The following TTC23L variants were observed in gnomAD, a reference collection of about 807,000 sequenced individuals.
TTC23L encodes tetratricopeptide repeat protein 23-like.
In TTC23L, 42 loss-of-function variants were observed where a neutral mutation model predicts 48.1. The ratio of observed to expected loss-of-function variants is 0.87; its 90% CI spans 0.68 to 1.13. The LOEUF (loss-of-function observed/expected upper bound fraction) is 1.13. Ranked by LOEUF, TTC23L falls within the 50% of genes most tolerant of loss-of-function variation. TTC23L has a pLI of 0.00. For synonymous variants in TTC23L, 159 were observed against 157.2 expected, an observed-to-expected ratio of 1.01 and a Z score of -0.09; for missense variants, 391 against 421.0, an observed-to-expected ratio of 0.93 and a Z score of 0.62.
chr5:34,854,652 A>G (rs1759975756), intron 4 of TTC23L, among the ~76,000 whole-genome samples: 1 of 152,140 alleles, frequency 6.6e-6, no homozygotes, highest in Non-Finnish European at 1.5e-5. Flanking sequence ...GCACCCATTC[A>G]TGTTTTATAG....
At position 34,863,530 on chromosome 5, in the gene TTC23L, C is replaced by T. The variant is rs941203030; in HGVS notation, c.536+476C>T. On this transcript the variant is annotated intron_variant, in intron 5 of 10. Coordinates refer to ENST00000505624, the Ensembl canonical transcript of TTC23L. The surrounding 1 kb of genome is among the most constrained non-coding windows in gnomAD (Gnocchi z 4.1). ...ATTTTGACTGAGAGGCTCTGAGGTACATCTGTTCATTGAAATTTTTAAAAG... is the reference window on the plus strand; with the variant it reads ...ATTTTGACTGAGAGGCTCTGAGGTATATCTGTTCATTGAAATTTTTAAAAG... Among the ~76,000 whole-genome samples the T allele has an allele frequency of 1.3e-5, 2 of 152,198 alleles. No homozygotes were observed. The highest frequency in any genetic ancestry group is 2.9e-5 in the Non-Finnish European group (2 of 68,038).
chr5:34,922,536 C>A, the TTC23L span: 1 of 1,596,532 alleles, frequency 6.3e-7, no homozygotes, highest in Non-Finnish European at 8.6e-7. Context: ...CCATATCTTT[C>A]AGGCTTTCAA....
intron 9 of TTC23L, among the ~76,000 whole-genome samples, chr5:34,895,476 TTCTA>T (rs1763158186): frequency 6.6e-6 from 1 of 152,212 alleles, no homozygotes; most frequent in African/African-American, 2.4e-5. Flanking sequence ...AACTTTATCT[TTCTA>T]TCTGTCAGAT....
intron 9 of TTC23L, chr5:34,888,408 G>C: frequency 1.1e-6 from 1 of 912,590 alleles, no homozygotes. Context: ...CAGTTAAGGT[G>C]CTTGCTATCT....
At chr5:34,880,345 TG>T in intron 9 of TTC23L, 37 bp downstream of exon 9, 1 of 1,575,726 alleles carries the variant, frequency 6.3e-7, no homozygotes, top group Non-Finnish European at 8.6e-7. Context: ...ATTGCTAGTT[TG>T]TTTATTAGAT....
chr5:34,865,512 C>A (rs1209505371), intron 6 of TTC23L, among the ~76,000 whole-genome samples: 1 of 152,124 alleles, frequency 6.6e-6, no homozygotes, highest in African/African-American at 2.4e-5. Context: ...TAGTCTTATT[C>A]TTTTTTCAGA....
rs376383082 is a variant in TTC23L, at chr5:34,845,522, C to T, written c.104C>T (p.Thr35Ile). The T allele has an allele frequency of 1.4e-5, 22 of 1,613,478 alleles. No homozygotes were observed. In the African/African-American group the frequency reaches 2.8e-4, roughly 21 times the overall value. ...ACCGAGATCCCAGCTCACCAGCAAA[C>T]AGATGAGTTGTATCCCACTGGTGGG... Residue 35 changes from threonine (T) to isoleucine (I), a missense_variant, in exon 3 of 11, where the codon ACA becomes ATA. Thr to Ile is a moderately conservative substitution (Grantham distance 89). Coordinates refer to ENST00000505624, the Ensembl canonical transcript of TTC23L.
the TTC23L span, chr5:34,914,050 C>T: frequency 8.8e-6 from 4 of 455,656 alleles, no homozygotes; most frequent in Non-Finnish European, 1.8e-5. Flanking sequence ...AGAACCGTGT[C>T]TTATTTACCT....
At chr5:34,848,406 A>C (rs1404201330) in intron 3 of TTC23L, among the ~76,000 whole-genome samples, 1 of 152,202 alleles carries the variant, frequency 6.6e-6, no homozygotes, top group Non-Finnish European at 1.5e-5. Context: ...AATGTGTTAC[A>C]CCTGTGTGTA....
the TTC23L span, chr5:34,918,485 T>TA: frequency 6.8e-7 from 1 of 1,465,724 alleles, no homozygotes; most frequent in Admixed American, 2.2e-5. Context: ...GGTGCCTTTA[T>TA]ATCATATACT....
rs371609320 is a variant in TTC23L, at chr5:34,846,576, A to T, written c.255+903A>T. 5.5e-3 allele frequency among the ~76,000 whole-genome samples: 539 copies of T among 98,306 alleles called. 27 individuals are homozygous for T. Among genetic ancestry groups the T allele is most frequent in the Non-Finnish European group, 6.9e-3 (374 of 54,410 alleles). The allele number at this position is 98,306 out of a possible 152,430, so 64.5% of individuals were successfully genotyped here. ...GACTCTGTCTCAAAAAAAAAAAAAA[A>T]ATATATATATATATATATATATATA... On this transcript the variant is annotated intron_variant, in intron 3 of 10. Transcript: ENST00000505624.
chr5:34,861,871 C>T (rs749326124), intron 4 of TTC23L, among the ~76,000 whole-genome samples: 6 of 152,132 alleles, frequency 3.9e-5, no homozygotes, highest in Non-Finnish European at 7.3e-5. Context: ...CTGTTGTTTT[C>T]AGTCTTCCCA....
intron 9 of TTC23L, among the ~76,000 whole-genome samples, chr5:34,887,584 T>G (rs1762616544): frequency 6.6e-6 from 1 of 151,990 alleles, no homozygotes; most frequent in South Asian, 2.1e-4. Flanking sequence ...GAATTAGAAG[T>G]TTTAAGAATT....
chr5:34,865,609 G>A (rs1760993087), intron 6 of TTC23L, among the ~76,000 whole-genome samples: 1 of 152,162 alleles, frequency 6.6e-6, no homozygotes, highest in South Asian at 2.1e-4. Flanking sequence ...GTGTTAGAGT[G>A]CCTACTAAGT....
At chr5:34,913,294 G>A in the TTC23L span, among the ~76,000 whole-genome samples, 1 of 151,974 alleles carries the variant, frequency 6.6e-6, no homozygotes, top group Non-Finnish European at 1.5e-5. Context: ...AATATGAAAA[G>A]AATTATAAAC....
the TTC23L span, among the ~76,000 whole-genome samples, chr5:34,910,708 G>A: frequency 6.6e-6 from 1 of 152,116 alleles, no homozygotes; most frequent in Non-Finnish European, 1.5e-5. Flanking sequence ...GATTACAGGT[G>A]TCTGCCACAG....
chr5:34,923,995 A>G, the TTC23L span, among the ~76,000 whole-genome samples: 2 of 152,194 alleles, frequency 1.3e-5, no homozygotes, highest in Admixed American at 1.3e-4. Context: ...GCTGTAAAGG[A>G]TACAGTAAAA....
At chr5:34,899,870 CAGAT>C (rs1479606326), downstream of TTC23L, among the ~76,000 whole-genome samples, 1 of 151,604 alleles carries the variant, frequency 6.6e-6, no homozygotes, top group Non-Finnish European at 1.5e-5. Context: ...AGCCTGGCGA[CAGAT>C]AGAGACTGCG....
the TTC23L span, chr5:34,922,846 T>G: frequency 7.2e-7 from 1 of 1,394,732 alleles, no homozygotes; most frequent in Non-Finnish European, 1.0e-6. Flanking sequence ...GTTGTGTTAT[T>G]CAATTTAGTT....
Sources: allele counts gnomAD v4.1 joint callset (sites outside exome capture counted in the v4.1 genomes callset), GRCh38; gene constraint gnomAD v4.1.1; non-coding constraint Gnocchi (gnomAD v3.1); transcripts MANE v1.5; gene names NCBI Gene and HGNC (gene_info 2026-07-23, HGNC 2026-07-21).